Variants in NHLRC2 observed in about 807,000 individuals in gnomAD.
NHLRC2 encodes the protein NHL repeat containing 2, also known as NHL repeat-containing protein 2.
A neutral mutation model predicts 68.1 loss-of-function variants in NHLRC2; 33 were observed. That is an observed-to-expected ratio of 0.48 (90% CI 0.37 to 0.65). The LOEUF (loss-of-function observed/expected upper bound fraction) is 0.65. NHLRC2 is among the 30% of genes least tolerant of loss of function. The pLI is 0.00. For synonymous variants in NHLRC2, 311 were observed against 309.6 expected (o/e 1.00, Z -0.05); for missense variants, 761 against 853.8 (o/e 0.89, Z 1.35).
At chr10:113,906,027 C>A (rs953362573) in intron 10 of NHLRC2, among the ~76,000 whole-genome samples, 1 of 152,152 alleles carries the variant, frequency 6.6e-6, no homozygotes, top group Non-Finnish European at 1.5e-5. Context: ...CAAACCCTGG[C>A]CACTCCATAG....
intron 2 of NHLRC2, among the ~76,000 whole-genome samples, chr10:113,866,945 G>A (rs771744706): frequency 1.1e-4 from 16 of 152,036 alleles, no homozygotes; most frequent in Non-Finnish European, 2.2e-4. Flanking sequence ...GTCAACCCAA[G>A]GTGCTCTTAA....
At chr10:113,903,760 T>C (rs1309901494) in intron 9 of NHLRC2, 24 bp downstream of exon 9, 1 of 1,320,498 alleles carries the variant, frequency 7.6e-7, no homozygotes, top group East Asian at 2.3e-5. Flanking sequence ...AAATATAAGT[T>C]AAAGAATGTG....
intron 3 of NHLRC2, among the ~76,000 whole-genome samples, chr10:113,879,268 C>T (rs1227165371): frequency 2.6e-5 from 4 of 151,978 alleles, no homozygotes; most frequent in Non-Finnish European, 5.9e-5. Flanking sequence ...AAAAATTATT[C>T]ATCTGTTGAA....
chr10:113,862,142 T>C (rs1845821430), intron 2 of NHLRC2, among the ~76,000 whole-genome samples: 1 of 152,160 alleles, frequency 6.6e-6, no homozygotes, highest in Non-Finnish European at 1.5e-5. Context: ...CTCAAACTGC[T>C]GTATGGGATT....
intron 8 of NHLRC2, 82 bp downstream of exon 8, chr10:113,902,675 A>G (rs1490783429): frequency 3.5e-6 from 4 of 1,157,874 alleles, no homozygotes; most frequent in Non-Finnish European, 5.1e-6. Context: ...GCCTCCTACA[A>G]CTGCCACTCT....
At position 113,858,708 on chromosome 10, in the gene NHLRC2, A is replaced by C. The variant is rs748373045; in HGVS notation, c.331+28A>C. On this transcript the variant is annotated intron_variant, in intron 2 of 10. Transcript: ENST00000369301. ...ATCTGCTCTTTAATTAGTTTCTAACAGACTGTCCTGGCATAGTCACTGGAA... is the reference window on the plus strand; with the variant it reads ...ATCTGCTCTTTAATTAGTTTCTAACCGACTGTCCTGGCATAGTCACTGGAA... 2.5e-6 allele frequency: 4 copies of C among 1,572,018 alleles called. No homozygotes were observed. In the East Asian group the frequency reaches 9.0e-5, roughly 35 times the overall value.
chr10:113,908,287 A>G lies in NHLRC2; in HGVS notation c.1932A>G (p.Glu644=). The change falls in exon 11 of 11, where the codon GAA becomes GAG. Residue 644 remains glutamate, a synonymous_variant. Coordinates refer to ENST00000369301, the MANE Select transcript of NHLRC2 (RefSeq NM_198514.4). ...SCWFLTAEGN[E]WLLQGQIAAG... ...TTCATTTTTGATTTTTAGGCAATGAATGGCTACTTCAAGGACAGATAGCAG... is the reference window on the plus strand; with the variant it reads ...TTCATTTTTGATTTTTAGGCAATGAGTGGCTACTTCAAGGACAGATAGCAG... 1.9e-6 allele frequency: 3 copies of G among 1,613,128 alleles called. No individual in the cohort carries two copies. The highest frequency in any genetic ancestry group is 2.5e-6 in the Non-Finnish European group (3 of 1,179,104).
At chr10:113,897,732 A>G (rs966126373) in intron 5 of NHLRC2, among the ~76,000 whole-genome samples, 2 of 152,230 alleles carry the variant, frequency 1.3e-5, no homozygotes, top group East Asian at 3.8e-4. Context: ...CCCAGAATAT[A>G]TGTGTGCCAG....
Position 113,912,212 on chromosome 10 carries a change from A to T in NHLRC2, c.*3676A>T, listed in dbSNP as rs923004822. 1 of 152,168 alleles carries T rather than the reference A, an allele frequency of 6.6e-6. No homozygotes were observed. Among genetic ancestry groups the T allele is most frequent in the Non-Finnish European group, 1.5e-5 (1 of 68,028 alleles). The allele number at this position is 152,168 out of a possible 1,614,324, so 9.4% of individuals were successfully genotyped here. A position where few individuals can be genotyped will look rare whatever the true frequency, so the allele number is the denominator to read the frequency against. The stretch of plus-strand genomic sequence containing the variant: ...GGCTGATATACCTGCCTCATATTCA[A>T]TGAAATATTGTGTGTACAGCACTTA... On this transcript the variant is annotated 3_prime_UTR_variant, in exon 11 of 11. Coordinates refer to ENST00000369301, the MANE Select transcript of NHLRC2 (RefSeq NM_198514.4).
chr10:113,875,435 A>G (rs963604700), intron 2 of NHLRC2, among the ~76,000 whole-genome samples: 2 of 152,086 alleles, frequency 1.3e-5, no homozygotes, highest in African/African-American at 4.8e-5. Flanking sequence ...TTTCTCCCAC[A>G]CTGTCCAGGT....
Position 113,908,333 on chromosome 10 carries a change from T to C in NHLRC2, c.1978T>C (p.Ser660Pro), listed in dbSNP as rs1247934048. 1.2e-6 allele frequency: 2 copies of C among 1,613,778 alleles called. No individual in the cohort carries two copies. The highest frequency in any genetic ancestry group is 1.7e-6 in the Non-Finnish European group (2 of 1,179,636). The change falls in exon 11 of 11, where the codon TCC (serine) becomes CCC (proline). Residue 660 changes from serine (S) to proline (P), a missense_variant. Coordinates refer to ENST00000369301, the MANE Select transcript of NHLRC2 (RefSeq NM_198514.4). Reference sequence around the variant, plus strand: ...AGCAGCTGGAGATATAGAGAACATTTCCAGTCAACCAACAATTTCACTACA... The same window carrying C: ...AGCAGCTGGAGATATAGAGAACATTCCCAGTCAACCAACAATTTCACTACA... ...QIAAGDIENI[S>P]SQPTISLQIP...
intron 5 of NHLRC2, among the ~76,000 whole-genome samples, chr10:113,893,485 A>G (rs1445650735): frequency 6.6e-6 from 1 of 152,208 alleles, no homozygotes. Flanking sequence ...AATTGAAGGA[A>G]ATAATCCACG....
chr10:113,874,468 G>A (rs1589538787), intron 2 of NHLRC2, among the ~76,000 whole-genome samples: 1 of 150,674 alleles, frequency 6.6e-6, no homozygotes, highest in African/African-American at 2.4e-5. Flanking sequence ...GTGTGTGTGT[G>A]TGTGTGTGTG....
In NHLRC2 at chr10:113,887,579, C is replaced by T. The variant is rs117300093; in HGVS notation, c.1039+3199C>T. Among the ~76,000 whole-genome samples, 481 of 151,356 alleles carry T rather than the reference C, an allele frequency of 3.2e-3. 10 individuals carry two copies. The highest frequency in any genetic ancestry group is 0.025 in the East Asian group (127 of 5,068). On this transcript the variant is annotated intron_variant, in intron 5 of 10. Transcript: ENST00000369301. ...GAGGTCAGGAGTTCAAGACCAGCCT[C>T]GCCAACGTGGTGAAGCCCCGTCTAT...
chr10:113,867,998 G>A (rs1279306454), intron 2 of NHLRC2, among the ~76,000 whole-genome samples: 1 of 151,844 alleles, frequency 6.6e-6, no homozygotes, highest in Non-Finnish European at 1.5e-5. Context: ...GTTTTTTGTT[G>A]GTTAGTCAGA....
Position 113,916,968 on chromosome 10 carries a change from C to T in NHLRC2, c.*8432C>T, listed in dbSNP as rs1846392726. On this transcript the variant is annotated 3_prime_UTR_variant, in exon 11 of 11. Coordinates refer to ENST00000369301, the MANE Select transcript of NHLRC2 (RefSeq NM_198514.4). ...ATTTTTGTACAACATTGTATTTCTA[C>T]ATTTATTTCAAGACTGTACTTTTCA... The T allele has an allele frequency of 6.6e-6, 1 of 152,138 alleles. No individual in the cohort carries two copies. Among genetic ancestry groups the T allele is most frequent in the Admixed American group, 6.6e-5 (1 of 15,266 alleles). 9.4% of individuals were successfully genotyped at this position (152,138 alleles called of 1,614,324 possible). A position where few individuals can be genotyped will look rare whatever the true frequency, so the allele number is the denominator to read the frequency against.
intron 2 of NHLRC2, among the ~76,000 whole-genome samples, chr10:113,862,362 T>C (rs1327701909): frequency 6.6e-6 from 1 of 151,490 alleles, no homozygotes; most frequent in Admixed American, 6.6e-5. Flanking sequence ...TAGAGCGTAA[T>C]AACTTTAAGA....
chr10:113,908,250 AGT>A, intron 10 of NHLRC2, 28 bp from the exon 11 acceptor site: 1 of 1,562,038 alleles, frequency 6.4e-7, no homozygotes, highest in Non-Finnish European at 8.8e-7. Context: ...TATCTTATAC[AGT>A]CTTAATAATT....
At chr10:113,877,461 C>G (rs979662348) in intron 3 of NHLRC2, among the ~76,000 whole-genome samples, 7 of 152,066 alleles carry the variant, frequency 4.6e-5, no homozygotes, top group Non-Finnish European at 8.8e-5. Flanking sequence ...TCTCTCCTTT[C>G]TTCCATAAGA....
Sources: allele counts gnomAD v4.1 joint callset (sites outside exome capture counted in the v4.1 genomes callset), GRCh38; gene constraint gnomAD v4.1.1; transcripts MANE v1.5; gene names NCBI Gene and HGNC (gene_info 2026-07-23, HGNC 2026-07-21).